Variants in SNTG1 observed in about 807,000 individuals in gnomAD.
SNTG1 encodes the protein syntrophin gamma 1.
In SNTG1, 39 loss-of-function variants were observed where a neutral mutation model predicts 74.7. That is an observed-to-expected ratio of 0.52 (90% confidence interval 0.40 to 0.68). The LOEUF (loss-of-function observed/expected upper bound fraction) is 0.68. Among genes scored for constraint, SNTG1 ranks in the 30% least tolerant of loss-of-function variants. The pLI is 0.00. For missense variants in SNTG1, 685 were observed against 609.5 expected, an observed-to-expected ratio of 1.12 and a Z score of -1.30; for synonymous variants, 254 against 217.1, an observed-to-expected ratio of 1.17 and a Z score of -1.49.
chr8:49,911,393 G>C (rs183843376), upstream of SNTG1: 10 of 151,934 alleles, frequency 6.6e-5, no homozygotes, highest in Admixed American at 5.9e-4. Context: ...GCCCCTGTGC[G>C]TGCGTTTTCT....
intron 2 of SNTG1, among the ~76,000 whole-genome samples, chr8:50,246,879 G>T (rs1416936079): frequency 1.3e-5 from 2 of 152,136 alleles, no homozygotes; most frequent in Admixed American, 1.3e-4. Flanking sequence ...TGCTTCAATT[G>T]TGCTTTGTCT....
At chr8:49,997,797 A>G in intron 1 of SNTG1, among the ~76,000 whole-genome samples, 1 of 152,096 alleles carries the variant, frequency 6.6e-6, no homozygotes, top group Non-Finnish European at 1.5e-5. Flanking sequence ...TGTCTCAGTC[A>G]TTAGAAATCT....
chr8:50,531,963 A>G (rs1426158766), intron 10 of SNTG1, among the ~76,000 whole-genome samples: 1 of 152,216 alleles, frequency 6.6e-6, no homozygotes, highest in Non-Finnish European at 1.5e-5. Flanking sequence ...ATAGAAAAAC[A>G]TATATAGAAT....
At chr8:50,629,303 AT>A (rs1006909516) in intron 13 of SNTG1, among the ~76,000 whole-genome samples, 51 of 151,772 alleles carry the variant, frequency 3.4e-4, no homozygotes, top group African/African-American at 2.2e-4. Context: ...TCTGTTGAAT[AT>A]TTTTTTGTTT....
intron 2 of SNTG1, among the ~76,000 whole-genome samples, chr8:50,311,197 C>T (rs1227717662): frequency 6.6e-6 from 1 of 152,144 alleles, no homozygotes; most frequent in East Asian, 1.9e-4. Context: ...TCTGTGTGTT[C>T]TCCATCATCC....
At chr8:50,597,382 CATATATACAT>C (rs1416204663) in intron 13 of SNTG1, among the ~76,000 whole-genome samples, 4 of 92,696 alleles carry the variant, frequency 4.3e-5, no homozygotes, top group African/African-American at 1.1e-4. Flanking sequence ...TATATATACA[CATATATACAT>C]ATATACATAT....
chr8:50,646,559 T>G (rs920273781), intron 13 of SNTG1, among the ~76,000 whole-genome samples: 1 of 152,184 alleles, frequency 6.6e-6, no homozygotes, highest in Admixed American at 6.5e-5. Context: ...GAATTTGCCA[T>G]TTTTTCAGTT....
chr8:50,599,398 A>G (rs539208748), intron 13 of SNTG1, among the ~76,000 whole-genome samples: 1 of 152,148 alleles, frequency 6.6e-6, no homozygotes, highest in Admixed American at 6.5e-5. Context: ...TTATGTAAAG[A>G]ATGTCATTGG....
intron 9 of SNTG1, among the ~76,000 whole-genome samples, chr8:50,510,226 T>A (rs184227589): frequency 9.8e-5 from 15 of 152,360 alleles, no homozygotes; most frequent in African/African-American, 2.4e-4. Context: ...TTCATTGATT[T>A]GCATATGTTG....
intron 15 of SNTG1, among the ~76,000 whole-genome samples, chr8:50,681,273 A>G (rs1354220778): frequency 1.3e-5 from 2 of 151,970 alleles, no homozygotes; most frequent in African/African-American, 2.4e-5. Flanking sequence ...TACATTGAAC[A>G]TTATAGAGGA....
chr8:50,395,790 C>T (rs564967414), intron 3 of SNTG1, among the ~76,000 whole-genome samples: 39 of 152,226 alleles, frequency 2.6e-4, no homozygotes, highest in Non-Finnish European at 4.4e-4. Context: ...GGATTACAGG[C>T]GTGAGCCACT....
chr8:50,176,156 G>C (rs2082992749), intron 2 of SNTG1, among the ~76,000 whole-genome samples: 2 of 152,010 alleles, frequency 1.3e-5, no homozygotes, highest in African/African-American at 4.8e-5. Context: ...TGTGTTTTGG[G>C]GATGTCTGAG....
intron 12 of SNTG1, among the ~76,000 whole-genome samples, chr8:50,579,687 G>A (rs575473418): frequency 6.6e-5 from 10 of 152,318 alleles, no homozygotes; most frequent in East Asian, 1.9e-4. Context: ...AGTTCAGGCC[G>A]TTGCTTCAGA....
intron 1 of SNTG1, among the ~76,000 whole-genome samples, chr8:49,934,977 T>C (rs540638261): frequency 6.6e-6 from 1 of 152,100 alleles, no homozygotes; most frequent in East Asian, 1.9e-4. Context: ...TTTATCTTCA[T>C]GAGAAAGCAT....
chr8:50,701,785 T>TTCC (rs757213425), intron 15 of SNTG1, among the ~76,000 whole-genome samples: 18,372 of 139,644 alleles, frequency 0.13, 1,722 homozygotes, highest in African/African-American at 0.23. Context: ...TCTCTTCCTC[T>TTCC]TCCTCCTCCT....
At chr8:50,061,294 G>A (rs997010368) in intron 1 of SNTG1, among the ~76,000 whole-genome samples, 5 of 148,938 alleles carry the variant, frequency 3.4e-5, no homozygotes, top group Admixed American at 6.7e-5. Context: ...GTTTTCTGTC[G>A]AACTTCTGAA....
chr8:50,668,333 C>T (rs1160026986), intron 15 of SNTG1, among the ~76,000 whole-genome samples: 1 of 151,580 alleles, frequency 6.6e-6, no homozygotes, highest in African/African-American at 2.4e-5. Context: ...AATTAATTCT[C>T]ATGTTTCAAA....
chr8:50,503,164 C>G (rs1203437318), intron 9 of SNTG1, among the ~76,000 whole-genome samples: 3 of 151,974 alleles, frequency 2.0e-5, no homozygotes, highest in Non-Finnish European at 4.4e-5. Flanking sequence ...TTATGCATGT[C>G]TATTAAATTT....
At chr8:50,171,196 C>T (rs1417056667) in intron 1 of SNTG1, among the ~76,000 whole-genome samples, 1 of 151,986 alleles carries the variant, frequency 6.6e-6, no homozygotes, top group Non-Finnish European at 1.5e-5. Context: ...TCTAGAGGGA[C>T]AGGACTAATA....
Sources: gnomAD v4.1 joint callset for allele counts (sites outside exome capture counted in the v4.1 genomes callset) on GRCh38, gnomAD v4.1.1 for gene constraint, MANE v1.5 for transcripts, NCBI Gene and HGNC (gene_info 2026-07-23, HGNC 2026-07-21) for gene names.